The following VPS53 variants were observed in gnomAD, a reference collection of about 807,000 sequenced individuals.
VPS53 encodes VPS53 subunit of GARP complex.
A neutral mutation model predicts 107.0 loss-of-function variants in VPS53; 70 were observed. That is an observed-to-expected ratio of 0.65 (90% CI 0.54 to 0.80). The LOEUF (loss-of-function observed/expected upper bound fraction) is 0.80, where lower values mean the gene tolerates loss of function less well. Among genes scored for constraint, VPS53 ranks in the 30% least tolerant of loss-of-function variants. The pLI, the probability that VPS53 is intolerant of heterozygous loss-of-function variation, is 0.00. For missense variants in VPS53, 917 were observed against 1,049.4 expected, an observed-to-expected ratio of 0.87 and a Z score of 1.74; for synonymous variants, 409 against 393.3, an observed-to-expected ratio of 1.04 and a Z score of -0.47.
At chr17:572,340 C>T (rs1470867303) in intron 13 of VPS53, among the ~76,000 whole-genome samples, 12 of 148,790 alleles carry the variant, frequency 8.1e-5, no homozygotes, top group African/African-American at 2.7e-4. Context: ...GGAGCCCCTC[C>T]GCCCGGCAGC....
At chr17:569,994 A>G (rs1350193940) in intron 13 of VPS53, among the ~76,000 whole-genome samples, 1 of 152,146 alleles carries the variant, frequency 6.6e-6, no homozygotes, top group Non-Finnish European at 1.5e-5. Flanking sequence ...GGATATTGAT[A>G]AAGTTTCAAG....
intron 19 of VPS53, among the ~76,000 whole-genome samples, chr17:530,453 T>C (rs1320069097): frequency 6.6e-6 from 1 of 152,226 alleles, no homozygotes; most frequent in African/African-American, 2.4e-5. Context: ...GCACCCGGCC[T>C]GCTAAATTTA....
intron 11 of VPS53, among the ~76,000 whole-genome samples, chr17:621,340 A>G (rs1482448177): frequency 6.6e-6 from 1 of 152,238 alleles, no homozygotes; most frequent in East Asian, 1.9e-4. Flanking sequence ...TTCAATAATA[A>G]ACATTACAGA....
chr17:552,700 T>C (rs16953540), intron 16 of VPS53: 3,927 of 170,056 alleles, frequency 0.023, 57 homozygotes, highest in Middle Eastern at 0.043. Context: ...GTGGTTATTC[T>C]TCACAGTGAG....
intron 4 of VPS53, among the ~76,000 whole-genome samples, chr17:667,428 G>A (rs1013371827): frequency 6.7e-6 from 1 of 150,128 alleles, no homozygotes; most frequent in Non-Finnish European, 1.5e-5. Flanking sequence ...GATTTAGCAG[G>A]AGAGAAATTT....
At chr17:655,406 G>A (rs763252354) in intron 6 of VPS53, among the ~76,000 whole-genome samples, 5 of 152,162 alleles carry the variant, frequency 3.3e-5, no homozygotes, top group Non-Finnish European at 5.9e-5. Context: ...GAAACCTGCT[G>A]AGGCAGAAGC....
At chr17:613,976 G>T (rs1351297855) in intron 11 of VPS53, among the ~76,000 whole-genome samples, 1 of 152,218 alleles carries the variant, frequency 6.6e-6, no homozygotes, top group Non-Finnish European at 1.5e-5. Flanking sequence ...CCTCATCATG[G>T]GTAAGGCTCG....
intron 12 of VPS53, 75 bp from the exon 13 acceptor site, chr17:586,439 C>T (rs1411602757): frequency 7.2e-7 from 1 of 1,383,980 alleles, no homozygotes; most frequent in East Asian, 2.4e-5. Flanking sequence ...TTAAAAACAT[C>T]ATTTCAAAGT....
chr17:663,197 G>A (rs1297610720), intron 4 of VPS53, among the ~76,000 whole-genome samples: 1 of 152,098 alleles, frequency 6.6e-6, no homozygotes, highest in Non-Finnish European at 1.5e-5. Flanking sequence ...GCGAGATCTT[G>A]TCTCAAAAAA....
intron 13 of VPS53, among the ~76,000 whole-genome samples, chr17:577,430 C>T (rs1363029145): frequency 1.3e-5 from 2 of 151,486 alleles, no homozygotes; most frequent in South Asian, 2.1e-4. Flanking sequence ...GAACCTAATG[C>T]GTTCCCAGAG....
intron 10 of VPS53, among the ~76,000 whole-genome samples, chr17:626,446 G>A (rs1273381275): frequency 6.6e-6 from 1 of 152,108 alleles, no homozygotes; most frequent in African/African-American, 2.4e-5. Context: ...AAAATGGGCG[G>A]GCAGATCACC....
At chr17:523,132 G>C (rs1416019483) in intron 19 of VPS53, 1 of 152,790 alleles carries the variant, frequency 6.5e-6, no homozygotes, top group Non-Finnish European at 1.5e-5. Context: ...TCCCTGGGTG[G>C]TTTTGGTGAC....
intron 13 of VPS53, 40 bp downstream of exon 13, chr17:586,230 G>A (rs1406846433): frequency 6.3e-6 from 10 of 1,590,982 alleles, no homozygotes; most frequent in Admixed American, 1.7e-5. Flanking sequence ...CCAGAGCGGC[G>A]AGAAATGCAG....
rs575960144 is a variant in VPS53, at chr17:519,084, G to A, written c.*44C>T. ...GAGGTTGGGGGCTTCTGGGGAACGG[G>A]CGCTGAGGGTCTCCAGCCAGGAGCA... is the stretch of plus-strand genomic sequence containing the variant. On this transcript the variant is annotated 3_prime_UTR_variant, in exon 22 of 22. Coordinates refer to ENST00000437048, the MANE Select transcript of VPS53 (RefSeq NM_001128159.3). This position sits in a 1 kb window ranked among gnomAD's most constrained non-coding sequence, Gnocchi z 5.0. The A allele has an allele frequency of 6.8e-7, 1 of 1,461,724 alleles. No homozygotes were observed. The highest frequency in any genetic ancestry group is 2.7e-5 in the Admixed American group (1 of 37,464). 90.5% of individuals were successfully genotyped at this position (1,461,724 alleles called of 1,614,324 possible).
At chr17:549,565 T>G (rs1911619505) in intron 17 of VPS53, among the ~76,000 whole-genome samples, 1 of 144,564 alleles carries the variant, frequency 6.9e-6, no homozygotes, top group Non-Finnish European at 1.5e-5. Context: ...TTAAACCCCT[T>G]CCAACCGTGA....
intron 6 of VPS53, among the ~76,000 whole-genome samples, chr17:654,654 G>A (rs422366): frequency 0.36 from 53,300 of 149,794 alleles, 11,055 homozygotes; most frequent in Non-Finnish European, 0.47. Flanking sequence ...GGAGAATGGC[G>A]GGAACCCGGG....
At chr17:537,349 A>G (rs1910170699) in intron 17 of VPS53, 173 bp from the exon 18 acceptor site, 1 of 706,528 alleles carries the variant, frequency 1.4e-6, no homozygotes, top group South Asian at 2.0e-5. Flanking sequence ...GATACTCAGG[A>G]CAAATGCGAG....
chr17:704,046 A>G (rs11867393), intron 2 of VPS53, among the ~76,000 whole-genome samples: 7,540 of 152,194 alleles, frequency 0.05, 619 homozygotes, highest in African/African-American at 0.17. Context: ...GAAACTCTTT[A>G]GAAACATCCC....
intron 7 of VPS53, among the ~76,000 whole-genome samples, chr17:652,456 C>T (rs1597439930): frequency 2.0e-5 from 3 of 152,144 alleles, no homozygotes; most frequent in South Asian, 4.1e-4. Context: ...AGAAGTGATG[C>T]TATGAAATTT....
Sources: allele counts gnomAD v4.1 joint callset (sites outside exome capture counted in the v4.1 genomes callset), GRCh38; gene constraint gnomAD v4.1.1; non-coding constraint Gnocchi (gnomAD v3.1); transcripts MANE v1.5; gene names NCBI Gene and HGNC (gene_info 2026-07-23, HGNC 2026-07-21).